Variants in COG2 observed in about 807,000 individuals in gnomAD.
COG2 encodes component of oligomeric golgi complex 2, also known as conserved oligomeric Golgi complex subunit 2.
Under a neutral mutation model 90.6 loss-of-function variants are expected in COG2, and 52 were observed. The observed-to-expected ratio is 0.57, with a 90% CI of 0.46 to 0.72. The LOEUF is 0.72. Among genes scored for constraint, COG2 ranks in the 30% least tolerant of loss-of-function variants. The probability of loss-of-function intolerance (pLI) is 0.00; values close to 1 mark genes in which losing one functional copy is unlikely to be tolerated. For synonymous variants in COG2, 337 were observed against 320.4 expected (o/e 1.05, Z -0.55); for missense variants, 829 against 891.2 (o/e 0.93, Z 0.89).
intron 11 of COG2, 133 bp downstream of exon 11, chr1:230,683,768 T>C (rs1662814240): frequency 4.7e-6 from 3 of 641,252 alleles, no homozygotes; most frequent in Non-Finnish European, 8.1e-6. Flanking sequence ...AGTTGGACCT[T>C]AAAAATCACT....
intron 15 of COG2, among the ~76,000 whole-genome samples, chr1:230,688,836 G>GT (rs955477491): frequency 3.3e-5 from 5 of 152,080 alleles, no homozygotes; most frequent in Non-Finnish European, 7.4e-5. Context: ...GGAAAAGTAG[G>GT]TTTTTCAGAA....
chr1:230,680,115 A>C (rs1662704050), intron 10 of COG2: 1 of 152,194 alleles, frequency 6.6e-6, no homozygotes, highest in Non-Finnish European at 1.5e-5. Context: ...CTAAGATATT[A>C]ATGGGATGCA....
At chr1:230,654,684 G>A (rs533031657) in intron 1 of COG2, among the ~76,000 whole-genome samples, 1 of 152,264 alleles carries the variant, frequency 6.6e-6, no homozygotes, top group Non-Finnish European at 1.5e-5. Flanking sequence ...AATTACTTTG[G>A]GCAGTATGGC....
At position 230,669,506 on chromosome 1, in the gene COG2, C is replaced by T; in HGVS notation, c.745C>T (p.Gln249Ter). The change falls in exon 7 of 18, where the codon CAA becomes TAA. Residue 249 changes from glutamine (Q) to a stop codon, truncating the protein, a stop_gained. Coordinates refer to ENST00000366669, the MANE Select transcript of COG2 (RefSeq NM_007357.3). LOFTEE classifies it high-confidence loss of function. ...ACGGGACGCGGAGGCCTTAGTTGGC[C>T]AAGTACTAGTGAAACCATACATAGA... The part of the protein sequence containing the change: ...KTRDAEALVG[Q>*]VLVKPYIDEV... 6.2e-7 allele frequency: 1 copy of T among 1,613,934 alleles called. No individual in the cohort carries two copies. The highest frequency in any genetic ancestry group is 8.5e-7 in the Non-Finnish European group (1 of 1,179,924).
chr1:230,649,319 G>A (rs576488785), intron 1 of COG2, among the ~76,000 whole-genome samples: 51 of 152,262 alleles, frequency 3.3e-4, no homozygotes, highest in African/African-American at 1.2e-3. Flanking sequence ...ACCCTGCACT[G>A]GGGACAGCAC....
At chr1:230,655,181 T>A (rs988585012) in intron 1 of COG2, among the ~76,000 whole-genome samples, 34 of 152,224 alleles carry the variant, frequency 2.2e-4, no homozygotes, top group African/African-American at 8.2e-4. Context: ...ATGCCAGTTT[T>A]CAAAGGGAAT....
intron 12 of COG2, 91 bp downstream of exon 12, chr1:230,685,327 A>G (rs1018791644): frequency 4.5e-6 from 6 of 1,344,836 alleles, no homozygotes; most frequent in East Asian, 4.6e-5. Flanking sequence ...TGTAAATACC[A>G]TGAGAGGTTA....
At chr1:230,659,367 A>G (rs2102749187) in intron 1 of COG2, 97 bp from the exon 2 acceptor site, 3 of 975,420 alleles carry the variant, frequency 3.1e-6, no homozygotes, top group Non-Finnish European at 1.6e-6. Flanking sequence ...CTTGTAAATG[A>G]CGGGAATGGG....
At chr1:230,646,062 C>T (rs1463899772) in intron 1 of COG2, among the ~76,000 whole-genome samples, 1 of 152,084 alleles carries the variant, frequency 6.6e-6, no homozygotes, top group Non-Finnish European at 1.5e-5. Flanking sequence ...TTCTCAGGAC[C>T]CTGTTATTCC....
At chr1:230,686,438 A>C (rs1002351979) in intron 12 of COG2, among the ~76,000 whole-genome samples, 1 of 152,082 alleles carries the variant, frequency 6.6e-6, no homozygotes. Context: ...ATCCCATTCT[A>C]TCCCATTCTT....
At chr1:230,678,426 A>G (rs1662652166) in intron 9 of COG2, 1 of 985,402 alleles carries the variant, frequency 1.0e-6, no homozygotes, top group Non-Finnish European at 1.2e-6. Context: ...TGCCACTCTT[A>G]ATGGTTTTGG....
In COG2 at chr1:230,671,544, A is replaced by T. The variant is rs1662447829; in HGVS notation, c.803A>T (p.His268Leu). 1 of 1,609,156 alleles carries T rather than the reference A, an allele frequency of 6.2e-7. No individual in the cohort carries two copies. The highest frequency in any genetic ancestry group is 8.5e-7 in the Non-Finnish European group (1 of 1,175,904). ...ATTATAGAGCAGTTTGTTGAATCTC[A>T]TCCCAATGGCCTTCAGGTCATGTAT... ...EVIIEQFVES[H>L]PNGLQVMYNK... is the part of the protein sequence containing the mutation. Residue 268 changes from histidine to leucine, a missense_variant, in exon 8 of 18, where the codon CAT becomes CTT. By Grantham distance (99) the His-to-Leu change is moderately conservative (BLOSUM62 -3). Coordinates refer to ENST00000366669, the MANE Select transcript of COG2 (RefSeq NM_007357.3).
intron 8 of COG2, among the ~76,000 whole-genome samples, chr1:230,674,156 C>T (rs1407573789): frequency 1.3e-5 from 2 of 152,132 alleles, no homozygotes; most frequent in Non-Finnish European, 1.5e-5. Flanking sequence ...GTTATTTAAC[C>T]GTTACTAACA....
At chr1:230,664,257 T>A (rs1219637298) in intron 4 of COG2, among the ~76,000 whole-genome samples, 1 of 151,944 alleles carries the variant, frequency 6.6e-6, no homozygotes, top group African/African-American at 2.4e-5. Context: ...AAAGTTTTTT[T>A]AAAAATTCTG....
rs564200655 is a variant in COG2, at chr1:230,668,626, G to A, written c.486-50G>A. 5 of 1,135,890 alleles carry A rather than the reference G, an allele frequency of 4.4e-6. 1 individual carries two copies. The South Asian group carries it at 7.4e-5, about 17-fold the overall frequency. 70.4% of individuals were successfully genotyped at this position (1,135,890 alleles called of 1,614,324 possible). ...TGCCAGGCGTGTGATGTATTCTCGT[G>A]GAAATAGAGACCTTAGGGGTTACAC... On this transcript the variant is annotated intron_variant, in intron 5 of 17. Coordinates refer to ENST00000366669, the MANE Select transcript of COG2 (RefSeq NM_007357.3).
chr1:230,679,124 G>A (rs559978069), intron 10 of COG2, 72 bp downstream of exon 10: 7 of 1,429,000 alleles, frequency 4.9e-6, no homozygotes, highest in Non-Finnish European at 6.6e-6. Context: ...TAAGGATGTT[G>A]CCTCAGTTAG....
chr1:230,674,308 C>A (rs185870148), intron 8 of COG2, among the ~76,000 whole-genome samples: 3 of 152,158 alleles, frequency 2.0e-5, no homozygotes, highest in African/African-American at 7.2e-5. Flanking sequence ...ATGATTTGCC[C>A]GCCCTCCAAT....
intron 15 of COG2, 124 bp from the exon 16 acceptor site, chr1:230,689,890 A>G: frequency 1.1e-6 from 1 of 925,000 alleles, no homozygotes; most frequent in Non-Finnish European, 1.6e-6. Flanking sequence ...GGAGGGATGG[A>G]AGTTGTCCGT....
chr1:230,664,592 G>A lies in COG2; in HGVS notation c.485+5G>A. 1 of 1,439,954 alleles carries A rather than the reference G, an allele frequency of 6.9e-7. No homozygotes were observed. Among genetic ancestry groups the A allele is most frequent in the Non-Finnish European group, 9.5e-7 (1 of 1,054,334 alleles). 89.2% of individuals were successfully genotyped at this position (1,439,954 alleles called of 1,614,324 possible). A position where few individuals can be genotyped will look rare whatever the true frequency, so the allele number is the denominator to read the frequency against. On this transcript the variant is annotated splice_donor_5th_base_variant and intron_variant, in intron 5 of 17. Transcript: ENST00000366669. Reference sequence around the variant, plus strand: ...CTCTGCACTAGAAGCAAGCAGGTAAGTATTTTTTATTAAATAACTCGTAAA... The same window carrying A: ...CTCTGCACTAGAAGCAAGCAGGTAAATATTTTTTATTAAATAACTCGTAAA...
Sources: gnomAD v4.1 joint callset for allele counts (sites outside exome capture counted in the v4.1 genomes callset) on GRCh38, gnomAD v4.1.1 for gene constraint, MANE v1.5 for transcripts, NCBI Gene and HGNC (gene_info 2026-07-23, HGNC 2026-07-21) for gene names.